The following STK24 variants were observed in gnomAD, a reference collection of about 807,000 sequenced individuals.
STK24 encodes serine/threonine kinase 24.
In STK24, 21 loss-of-function variants were observed where a neutral mutation model predicts 55.6. The observed-to-expected ratio is 0.38, with a 90% CI of 0.27 to 0.54. STK24 has a LOEUF of 0.54. Ranked by LOEUF, STK24 falls within the 20% of genes least tolerant of loss-of-function variation. The pLI, the probability that STK24 is intolerant of heterozygous loss-of-function variation, is 0.79. For synonymous variants in STK24, 200 were observed against 215.2 expected, an observed-to-expected ratio of 0.93 and a Z score of 0.62; for missense variants, 383 against 538.4, an observed-to-expected ratio of 0.71 and a Z score of 2.86.
chr13:98,489,855 G>C (rs773397739), intron 2 of STK24, among the ~76,000 whole-genome samples: 3 of 152,310 alleles, frequency 2.0e-5, no homozygotes, highest in Non-Finnish European at 2.9e-5. Flanking sequence ...TGTGCTAATA[G>C]AACAAATGAC....
intron 10 of STK24, chr13:98,454,249 A>G (rs1188039753): frequency 6.6e-6 from 1 of 152,214 alleles, no homozygotes; most frequent in Non-Finnish European, 1.5e-5. Flanking sequence ...GATCATGGGT[A>G]ATTTCTGTGT....
At position 98,576,565 on chromosome 13, in the gene STK24, G is replaced by A. The variant is rs1196085866; in HGVS notation, c.42+180C>T. 3.3e-5 allele frequency among the ~76,000 whole-genome samples: 5 copies of A among 152,120 alleles called. 1 individual carries two copies. Among genetic ancestry groups the A allele is most frequent in the African/African-American group, 7.2e-5 (3 of 41,536 alleles). ...GCACACGCCGGAGACCTCGGCCGCCGGAGCCGGCAGGGACGCCCAGGGACT... is the reference window on the plus strand; with the variant it reads ...GCACACGCCGGAGACCTCGGCCGCCAGAGCCGGCAGGGACGCCCAGGGACT... On this transcript the variant is annotated intron_variant, in intron 1 of 10. Coordinates refer to ENST00000539966, the MANE Select transcript of STK24 (RefSeq NM_001032296.4).
chr13:98,570,304 C>G (rs1409186329), intron 1 of STK24, among the ~76,000 whole-genome samples: 5 of 152,158 alleles, frequency 3.3e-5, no homozygotes, highest in African/African-American at 1.2e-4. Context: ...TCTTTCCCAA[C>G]CAACCTTACA....
intron 2 of STK24, among the ~76,000 whole-genome samples, chr13:98,500,297 G>C (rs971375466): frequency 2.6e-5 from 4 of 152,162 alleles, no homozygotes; most frequent in African/African-American, 9.7e-5. Flanking sequence ...TAGCATCTCT[G>C]GACTTAGTTC....
intron 6 of STK24, among the ~76,000 whole-genome samples, chr13:98,464,374 G>A (rs61969406): frequency 2.6e-5 from 4 of 151,432 alleles, no homozygotes; most frequent in African/African-American, 4.9e-5. Context: ...AGCCGAGATC[G>A]CGCCACTGCA....
chr13:98,461,043 C>CA (rs371783720), intron 8 of STK24, among the ~76,000 whole-genome samples: 7,818 of 120,024 alleles, frequency 0.065, 304 homozygotes, highest in African/African-American at 0.11. Context: ...GACCCCGTCT[C>CA]AAAAAAAAAA....
chr13:98,480,388 T>C (rs565884348), intron 3 of STK24, among the ~76,000 whole-genome samples: 21 of 152,326 alleles, frequency 1.4e-4, no homozygotes, highest in East Asian at 5.8e-4. Flanking sequence ...ACTTAGATAA[T>C]AGTAAATCTA....
chr13:98,548,154 A>C (rs1897072739), intron 1 of STK24, among the ~76,000 whole-genome samples: 1 of 152,166 alleles, frequency 6.6e-6, no homozygotes, highest in Non-Finnish European at 1.5e-5. Flanking sequence ...TAGTTTACTC[A>C]CCTGTAAAAA....
At chr13:98,476,235 G>A (rs1308302951) in intron 3 of STK24, among the ~76,000 whole-genome samples, 4 of 125,790 alleles carry the variant, frequency 3.2e-5, no homozygotes, top group South Asian at 2.5e-4. Flanking sequence ...CAAACCAGAC[G>A]GGAAGCCCCC....
In STK24 at chr13:98,560,905, A is replaced by G. The variant is rs76424333; in HGVS notation, c.42+15840T>C. Among the ~76,000 whole-genome samples the G allele has an allele frequency of 5.6e-4, 44 of 78,772 alleles. 2 individuals are homozygous for G. The highest frequency in any genetic ancestry group is 3.4e-3 in the African/African-American group (42 of 12,472). The allele number at this position is 78,772 out of a possible 152,430, so 51.7% of individuals were successfully genotyped here. A position where few individuals can be genotyped will look rare whatever the true frequency, so the allele number is the denominator to read the frequency against. The stretch of plus-strand genomic sequence containing the variant: ...GGCAAGACTCCGTCTCAAAAAAAAG[A>G]AAAAAAAAAAAAACCATAATTCAGT... On this transcript the variant is annotated intron_variant, in intron 1 of 10. Transcript: ENST00000539966.
Position 98,446,885 on chromosome 13 carries a change from C to T in STK24, c.*6288G>A. The T allele has an allele frequency of 6.4e-7, 1 of 1,559,648 alleles. No individual in the cohort carries two copies. The highest frequency in any genetic ancestry group is 1.1e-5 in the South Asian group (1 of 87,824). On this transcript the variant is annotated 3_prime_UTR_variant, in exon 11 of 11. Coordinates refer to ENST00000539966, the MANE Select transcript of STK24 (RefSeq NM_001032296.4). ...CCCCCTCTTCCAAACATCAGGATTT[C>T]TCCCAAGTCAGCGAGTGAGATGGCC... is the stretch of plus-strand genomic sequence containing the variant.
intron 1 of STK24, among the ~76,000 whole-genome samples, chr13:98,533,531 T>C (rs1197694670): frequency 1.3e-5 from 2 of 151,762 alleles, no homozygotes; most frequent in Non-Finnish European, 2.9e-5. Context: ...AAGCCTGTAA[T>C]CCCAGCTACT....
rs1352304952 is a variant in STK24 at position 98,453,011 on chromosome 13, A to G, written c.*162T>C. 5 of 660,772 alleles carry G rather than the reference A, an allele frequency of 7.6e-6. No homozygotes were observed. The Admixed American group carries it at 9.4e-5, about 12-fold the overall frequency. The allele number at this position is 660,772 out of a possible 1,614,324, so 40.9% of individuals were successfully genotyped here. ...GAGAGACTTCATCTGGCTGCAGCAC[A>G]GTGAAGACTGTGTGTGTCCCTGGAC... On this transcript the variant is annotated 3_prime_UTR_variant, in exon 11 of 11. Transcript: ENST00000539966.
chr13:98,452,186 A>G lies in STK24; in HGVS notation c.*987T>C, dbSNP rs980509480. ...AGCGTGTTATAAAATTTATTTGTGT[A>G]AGCATTCAGACATTTTTAGGTGGGA... On this transcript the variant is annotated 3_prime_UTR_variant, in exon 11 of 11. Coordinates refer to ENST00000539966, the MANE Select transcript of STK24 (RefSeq NM_001032296.4). The G allele has an allele frequency of 2.0e-5, 3 of 152,234 alleles. No individual in the cohort carries two copies. Among genetic ancestry groups the G allele is most frequent in the Non-Finnish European group, 2.9e-5 (2 of 68,046 alleles). 9.4% of individuals were successfully genotyped at this position (152,234 alleles called of 1,614,324 possible).
At chr13:98,493,471 C>T (rs1895118657) in intron 2 of STK24, among the ~76,000 whole-genome samples, 1 of 151,916 alleles carries the variant, frequency 6.6e-6, no homozygotes, top group Non-Finnish European at 1.5e-5. Flanking sequence ...AAAAAGTACC[C>T]TGGGAGGCAA....
chr13:98,523,919 A>G (rs913258897), intron 1 of STK24, among the ~76,000 whole-genome samples: 9 of 152,076 alleles, frequency 5.9e-5, no homozygotes, highest in Non-Finnish European at 1.3e-4. Flanking sequence ...GCTGCAGCCC[A>G]TCTGTTGTGA....
chr13:98,449,230 T>A lies in STK24; in HGVS notation c.*3943A>T, dbSNP rs1207294752. 1 of 152,254 alleles carries A rather than the reference T, an allele frequency of 6.6e-6. No individual in the cohort carries two copies. Among genetic ancestry groups the A allele is most frequent in the African/African-American group, 2.4e-5 (1 of 41,456 alleles). 9.4% of individuals were successfully genotyped at this position (152,254 alleles called of 1,614,324 possible). ...AGCACTATGAAATCATGGTACGTAG[T>A]CCCCGGCACCTGTCGTTATTCCTAT... On this transcript the variant is annotated 3_prime_UTR_variant, in exon 11 of 11. Transcript: ENST00000539966.
At position 98,457,157 on chromosome 13, in the gene STK24, T is replaced by C. The variant is rs770187484; in HGVS notation, c.1259+11A>G. 2 of 1,609,110 alleles carry C rather than the reference T, an allele frequency of 1.2e-6. No individual in the cohort carries two copies. Among genetic ancestry groups the C allele is most frequent in the Admixed American group, 1.7e-5 (1 of 59,732 alleles). ...CTCCTTCCCCAGCCCAGAGGGGCCC[T>C]GGGTAGTTACCTCTGGAGCCGCTGC... is the stretch of plus-strand genomic sequence containing the variant. On this transcript the variant is annotated intron_variant, in intron 10 of 10. Transcript: ENST00000539966.
Position 98,448,378 on chromosome 13 carries a change from T to C in STK24, c.*4795A>G. The C allele has an allele frequency of 8.5e-6, 11 of 1,295,838 alleles. No homozygotes were observed. Among genetic ancestry groups the C allele is most frequent in the Non-Finnish European group, 1.2e-5 (11 of 890,558 alleles). The allele number at this position is 1,295,838 out of a possible 1,614,324, so 80.3% of individuals were successfully genotyped here. On this transcript the variant is annotated 3_prime_UTR_variant, in exon 11 of 11. Transcript: ENST00000539966. ...CCTGGAAGACGTTTCCTTTCTTCTG[T>C]ATTAATGAAGCCTGGTAAAATTAAC...
Sources: allele counts gnomAD v4.1 joint callset (sites outside exome capture counted in the v4.1 genomes callset), GRCh38; gene constraint gnomAD v4.1.1; transcripts MANE v1.5; gene names NCBI Gene and HGNC (gene_info 2026-07-23, HGNC 2026-07-21).